Variants in PCDH9 observed in about 807,000 individuals in gnomAD.
PCDH9 encodes the protein protocadherin-9.
PCDH9 carries 24 observed loss-of-function variants against 70.6 expected under a neutral mutation model. That is an observed-to-expected ratio of 0.34 (90% CI 0.25 to 0.48). The LOEUF is 0.48. Ranked by LOEUF, PCDH9 falls within the 20% of genes least tolerant of loss-of-function variation. The pLI is 0.99. For missense variants in PCDH9, 1,281 were observed against 1,503.6 expected (o/e 0.85, Z 2.45); for synonymous variants, 562 against 558.5 (o/e 1.01, Z -0.09).
intron 3 of PCDH9, among the ~76,000 whole-genome samples, chr13:66,856,696 T>A (rs993787922): frequency 3.9e-5 from 6 of 152,040 alleles, no homozygotes; most frequent in African/African-American, 1.4e-4. Context: ...AAGCCTACCA[T>A]GGCGTTATAA....
At chr13:67,192,145 A>C (rs1485318686) in intron 2 of PCDH9, among the ~76,000 whole-genome samples, 1 of 152,124 alleles carries the variant, frequency 6.6e-6, no homozygotes, top group East Asian at 1.9e-4. Context: ...TTAAAAATAT[A>C]ATACATATTG....
chr13:66,533,389 TTTAG>T (rs1360658216), intron 4 of PCDH9, among the ~76,000 whole-genome samples: 1 of 152,074 alleles, frequency 6.6e-6, no homozygotes. Context: ...TTGATTTTTT[TTTAG>T]TTAAATATTA....
intron 3 of PCDH9, among the ~76,000 whole-genome samples, chr13:66,791,083 C>T (rs1393698505): frequency 6.6e-6 from 1 of 152,078 alleles, no homozygotes; most frequent in Non-Finnish European, 1.5e-5. Flanking sequence ...TCATCCTACA[C>T]CACGCACTGA....
chr13:67,065,374 T>C (rs1343382425), intron 2 of PCDH9, among the ~76,000 whole-genome samples: 1 of 152,184 alleles, frequency 6.6e-6, no homozygotes, highest in Non-Finnish European at 1.5e-5. Flanking sequence ...ATCTTCTACT[T>C]AAAGGTGCAA....
At chr13:66,963,860 T>C (rs2083389400) in intron 2 of PCDH9, among the ~76,000 whole-genome samples, 2 of 152,132 alleles carry the variant, frequency 1.3e-5, no homozygotes, top group African/African-American at 4.8e-5. Context: ...ATAGTAACAA[T>C]TATGATAATG....
At chr13:66,457,606 T>A (rs1411121657) in intron 4 of PCDH9, among the ~76,000 whole-genome samples, 1 of 151,970 alleles carries the variant, frequency 6.6e-6, no homozygotes, top group Admixed American at 6.6e-5. Context: ...AATGCCTAGA[T>A]CACACCCCAT....
At chr13:67,097,247 C>T (rs772984919) in intron 2 of PCDH9, among the ~76,000 whole-genome samples, 2 of 151,674 alleles carry the variant, frequency 1.3e-5, no homozygotes, top group African/African-American at 4.8e-5. Flanking sequence ...TAGAGTGAGA[C>T]CGTGTTTCAA....
chr13:66,587,187 A>G (rs2076974422), intron 4 of PCDH9, among the ~76,000 whole-genome samples: 1 of 151,960 alleles, frequency 6.6e-6, no homozygotes, highest in African/African-American at 2.4e-5. Context: ...AGTCCCAACT[A>G]CTCAGGAGAC....
chr13:66,619,670 G>C (rs775329018), intron 4 of PCDH9, among the ~76,000 whole-genome samples: 1 of 152,104 alleles, frequency 6.6e-6, no homozygotes, highest in Non-Finnish European at 1.5e-5. Flanking sequence ...CAATGAATTA[G>C]GACCTAGGTT....
At chr13:66,945,391 A>C (rs1222916892) in intron 2 of PCDH9, among the ~76,000 whole-genome samples, 3 of 152,116 alleles carry the variant, frequency 2.0e-5, no homozygotes, top group Non-Finnish European at 4.4e-5. Flanking sequence ...GTACATAGTG[A>C]AAATTGTTTT....
intron 4 of PCDH9, among the ~76,000 whole-genome samples, chr13:66,349,429 AG>A (rs1448266842): frequency 8.8e-4 from 134 of 152,350 alleles, no homozygotes; most frequent in Non-Finnish European, 3.8e-4. Flanking sequence ...ATAGAAGACA[AG>A]AGAGGTTTTC....
intron 4 of PCDH9, among the ~76,000 whole-genome samples, chr13:66,490,949 TGTCTTAAGTTA>T (rs1959023503): frequency 6.6e-6 from 1 of 152,220 alleles, no homozygotes; most frequent in African/African-American, 2.4e-5. Flanking sequence ...AATGACAGCT[TGTCTTAAGTTA>T]GTCTACCAAT....
chr13:67,083,674 A>G (rs974486839), intron 2 of PCDH9, among the ~76,000 whole-genome samples: 4 of 152,192 alleles, frequency 2.6e-5, no homozygotes, highest in African/African-American at 9.7e-5. Flanking sequence ...AGGCCTCCCT[A>G]AATGGAAGAT....
At chr13:66,668,836 C>T (rs1437608585) in intron 3 of PCDH9, among the ~76,000 whole-genome samples, 2 of 152,016 alleles carry the variant, frequency 1.3e-5, no homozygotes, top group African/African-American at 4.8e-5. Context: ...GTATTGTTAG[C>T]CCCAATTATT....
chr13:66,961,926 C>T (rs9540958), intron 2 of PCDH9, among the ~76,000 whole-genome samples: 25,830 of 151,766 alleles, frequency 0.17, 2,404 homozygotes, highest in Non-Finnish European at 0.2. Flanking sequence ...TGGCGTGTGC[C>T]GGTAATCCCA....
Position 66,381,505 on chromosome 13 carries a change from A to G in PCDH9, c.3341-76477T>C, listed in dbSNP as rs73205671. On this transcript the variant is annotated intron_variant, in intron 4 of 4. Coordinates refer to ENST00000377865, the MANE Select transcript of PCDH9 (RefSeq NM_203487.3). ...CTTACTTTTAGTACTAAAAATAAAC[A>G]ATATTGGCTTTTTGTAAATTAAAAC... is the stretch of plus-strand genomic sequence containing the variant. 4.2e-3 allele frequency among the ~76,000 whole-genome samples: 633 copies of G among 152,310 alleles called. 1 individual carries two copies. Among genetic ancestry groups the G allele is most frequent in the Non-Finnish European group, 7.3e-3 (499 of 68,018 alleles).
rs188800735 is a variant in PCDH9, at chr13:66,343,389, C to A, written c.3341-38361G>T. 4.3e-4 allele frequency among the ~76,000 whole-genome samples: 66 copies of A among 152,290 alleles called. 1 individual carries two copies. The highest frequency in any genetic ancestry group is 7.3e-5 in the Non-Finnish European group (5 of 68,042). ...CTTTCTAGAGGTTCTGGAGATAAAT[C>A]TGCTTATCAGCATATTCAAACTGTC... On this transcript the variant is annotated intron_variant, in intron 4 of 4. Coordinates refer to ENST00000377865, the MANE Select transcript of PCDH9 (RefSeq NM_203487.3).
chr13:66,959,210 C>A (rs1056331472), intron 2 of PCDH9, among the ~76,000 whole-genome samples: 3 of 152,060 alleles, frequency 2.0e-5, no homozygotes, highest in Non-Finnish European at 4.4e-5. Flanking sequence ...ACATGAAGCA[C>A]ATATAAGAGA....
At chr13:66,972,048 A>G (rs2083532309) in intron 2 of PCDH9, among the ~76,000 whole-genome samples, 1 of 151,962 alleles carries the variant, frequency 6.6e-6, no homozygotes, top group Non-Finnish European at 1.5e-5. Context: ...ACCAAGGAAG[A>G]AAATTAAGTT....
Sources: gnomAD v4.1 joint callset for allele counts (sites outside exome capture counted in the v4.1 genomes callset) on GRCh38, gnomAD v4.1.1 for gene constraint, MANE v1.5 for transcripts, NCBI Gene and HGNC (gene_info 2026-07-23, HGNC 2026-07-21) for gene names.